The following UNC80 variants were observed in gnomAD, a reference collection of about 807,000 sequenced individuals.
UNC80 encodes unc-80 subunit of NALCN channel complex.
A neutral mutation model predicts 384.6 loss-of-function variants in UNC80; 164 were observed. The ratio of observed to expected loss-of-function variants is 0.43; its 90% CI spans 0.38 to 0.49. The LOEUF (loss-of-function observed/expected upper bound fraction) is 0.49, where lower values mean the gene tolerates loss of function less well. UNC80 is among the 20% of genes least tolerant of loss of function. The pLI is 0.00. For missense variants in UNC80, 3,330 were observed against 4,143.0 expected (o/e 0.80, Z 5.39); for synonymous variants, 1,486 against 1,527.8 (o/e 0.97, Z 0.64).
chr2:209,879,671 A>G (rs1255284489), intron 24 of UNC80, among the ~76,000 whole-genome samples: 1 of 152,172 alleles, frequency 6.6e-6, no homozygotes, highest in Non-Finnish European at 1.5e-5. Context: ...TAGCCCCTAT[A>G]AGACACATAT....
Position 209,918,618 on chromosome 2 carries a change from T to C in UNC80, c.5298T>C (p.Pro1766=), listed in dbSNP as rs2089758766. The change falls in exon 33 of 65, where the codon CCT becomes CCC. Residue 1766 remains proline (P), a synonymous_variant. Coordinates refer to ENST00000673920, the MANE Select transcript of UNC80 (RefSeq NM_001371986.1). ...SVPMFDPPWV[P]QCSGSVQDPI... is the part of the protein sequence containing the mutation. Reference sequence around the variant, plus strand: ...CAATGTTTGACCCACCGTGGGTTCCTCAGTGCAGCGGGAGTGTCCAGGACC... The same window carrying C: ...CAATGTTTGACCCACCGTGGGTTCCCCAGTGCAGCGGGAGTGTCCAGGACC... 6.4e-7 allele frequency: 1 copy of C among 1,551,968 alleles called. No individual in the cohort carries two copies. Among genetic ancestry groups the C allele is most frequent in the Non-Finnish European group, 8.7e-7 (1 of 1,147,020 alleles).
chr2:209,781,375 G>T (rs1485970999), intron 4 of UNC80, among the ~76,000 whole-genome samples: 1 of 152,172 alleles, frequency 6.6e-6, no homozygotes, highest in Non-Finnish European at 1.5e-5. Flanking sequence ...AATCCTATCT[G>T]ATTTTCTACA....
chr2:209,867,602 G>A (rs2083946228), intron 22 of UNC80, among the ~76,000 whole-genome samples: 1 of 151,998 alleles, frequency 6.6e-6, no homozygotes. Flanking sequence ...CACTGAGGGT[G>A]GCTCCTTCCT....
intron 22 of UNC80, among the ~76,000 whole-genome samples, chr2:209,868,641 A>T (rs1387131835): frequency 6.6e-6 from 1 of 152,228 alleles, no homozygotes; most frequent in Non-Finnish European, 1.5e-5. Context: ...CAAGGAAAGT[A>T]GCCAGACTCC....
At chr2:209,972,417 T>C in intron 55 of UNC80, 93 bp downstream of exon 55, 9 of 1,482,510 alleles carry the variant, frequency 6.1e-6, no homozygotes, top group Non-Finnish European at 6.3e-6. Flanking sequence ...CCATGAAGGC[T>C]ATCACTGAAG....
Position 209,967,511 on chromosome 2 carries a change from G to C in UNC80, c.7880G>C (p.Arg2627Pro). 6.4e-7 allele frequency: 1 copy of C among 1,551,446 alleles called. No individual in the cohort carries two copies. Among genetic ancestry groups the C allele is most frequent in the Non-Finnish European group, 8.7e-7 (1 of 1,146,952 alleles). ...DTQTMESRGL[R>P]RYIMEMLPIT... The stretch of plus-strand genomic sequence containing the variant: ...CAGACAATGGAGAGTCGTGGGCTTC[G>C]GCGCTACATCATGGAGATGCTACCC... Residue 2627 changes from arginine (R) to proline (P), a missense_variant, in exon 52 of 65, where the codon CGG becomes CCG. Around this residue, in one of 8 missense-constraint regions of UNC80, gnomAD observed 1,049 missense variants for 1,488.6 expected, o/e 0.70. Coordinates refer to ENST00000673920, the MANE Select transcript of UNC80 (RefSeq NM_001371986.1).
intron 58 of UNC80, 103 bp downstream of exon 58, chr2:209,977,181 A>T: frequency 1.7e-6 from 2 of 1,191,444 alleles, no homozygotes; most frequent in Non-Finnish European, 2.2e-6. Flanking sequence ...AACTATGAAT[A>T]TGTTAGCCAT....
At chr2:209,813,464 G>T (rs961425759) in intron 7 of UNC80, 116 bp from the exon 8 acceptor site, 31 of 1,149,270 alleles carry the variant, frequency 2.7e-5, no homozygotes, top group Non-Finnish European at 3.5e-5. Flanking sequence ...AACTACGTAA[G>T]AAACAAGTAA....
At chr2:209,776,197 C>T in intron 3 of UNC80, 152 bp downstream of exon 3, 1 of 1,006,560 alleles carries the variant, frequency 9.9e-7, no homozygotes, top group Non-Finnish European at 1.4e-6. Context: ...CACACTTATA[C>T]TCATTATTTT....
intron 56 of UNC80, among the ~76,000 whole-genome samples, chr2:209,974,573 A>G (rs1485557378): frequency 6.6e-6 from 1 of 152,180 alleles, no homozygotes; most frequent in Non-Finnish European, 1.5e-5. Flanking sequence ...TTGTTTTTAC[A>G]TTTATTTTGA....
At chr2:209,817,367 CATTCTAGA>C (rs2079815052) in intron 10 of UNC80, among the ~76,000 whole-genome samples, 1 of 151,976 alleles carries the variant, frequency 6.6e-6, no homozygotes, top group African/African-American at 2.4e-5. Flanking sequence ...TTTCTTAGAT[CATTCTAGA>C]CAAAGAAACA....
intron 24 of UNC80, among the ~76,000 whole-genome samples, chr2:209,880,253 G>T (rs2085166468): frequency 6.6e-6 from 1 of 152,112 alleles, no homozygotes; most frequent in Non-Finnish European, 1.5e-5. Flanking sequence ...AAATCTATTA[G>T]CTGGCTTCTA....
At chr2:209,951,077 G>A (rs1161910177) in intron 47 of UNC80, among the ~76,000 whole-genome samples, 3 of 152,038 alleles carry the variant, frequency 2.0e-5, no homozygotes, top group African/African-American at 4.8e-5. Flanking sequence ...AGAGGCTAAG[G>A]TGGGAGGATT....
chr2:209,864,680 G>C (rs2083584297), intron 22 of UNC80, among the ~76,000 whole-genome samples: 1 of 152,232 alleles, frequency 6.6e-6, no homozygotes, highest in Admixed American at 6.5e-5. Flanking sequence ...TGGGGGACTT[G>C]TCTTGGGACC....
chr2:209,971,625 T>A (rs972419490), intron 54 of UNC80, among the ~76,000 whole-genome samples: 4 of 152,208 alleles, frequency 2.6e-5, no homozygotes, highest in African/African-American at 9.7e-5. Context: ...ACAACCAAGC[T>A]TGATGGCTCA....
chr2:209,994,315 T>TA, intron 64 of UNC80, 51 bp downstream of exon 64: 1 of 1,462,514 alleles, frequency 6.8e-7, no homozygotes, highest in Non-Finnish European at 9.1e-7. Flanking sequence ...TACTTACTTC[T>TA]AGCAGCCACT....
chr2:209,970,812 G>A lies in UNC80; in HGVS notation c.8131-20G>A, dbSNP rs1334448129. 3.2e-6 allele frequency: 5 copies of A among 1,550,444 alleles called. No homozygotes were observed. The highest frequency in any genetic ancestry group is 3.5e-6 in the Non-Finnish European group (4 of 1,146,444). ...AATTGCAATAGTCAAGGCTGGTCAT[G>A]TGCTCTGTTTGTATTTCAGGTGATG... is the stretch of plus-strand genomic sequence containing the variant. On this transcript the variant is annotated intron_variant, in intron 53 of 64. Coordinates refer to ENST00000673920, the MANE Select transcript of UNC80 (RefSeq NM_001371986.1).
chr2:209,787,928 A>G (rs1193712823), intron 5 of UNC80, among the ~76,000 whole-genome samples: 1 of 152,200 alleles, frequency 6.6e-6, no homozygotes, highest in African/African-American at 2.4e-5. Flanking sequence ...TGTTATCATA[A>G]AAGATGACAA....
rs1055345873 is a variant in UNC80 at position 209,996,057 on chromosome 2, TA to T, written c.*469del. ...TTGGCTATACAAGTAGCAATTTACA[TA>T]AAAAAATAATTAATAGGAAAAATAT... is the stretch of plus-strand genomic sequence containing the variant. On this transcript the variant is annotated 3_prime_UTR_variant, in exon 65 of 65. Coordinates refer to ENST00000673920, the MANE Select transcript of UNC80 (RefSeq NM_001371986.1). 6.5e-5 allele frequency: 10 copies of T among 153,896 alleles called. No homozygotes were observed. The highest frequency in any genetic ancestry group is 2.2e-4 in the African/African-American group (9 of 41,520). 9.5% of individuals were successfully genotyped at this position (153,896 alleles called of 1,614,324 possible). A position where few individuals can be genotyped will look rare whatever the true frequency, so the allele number is the denominator to read the frequency against.
Sources: gnomAD v4.1 joint callset for allele counts (sites outside exome capture counted in the v4.1 genomes callset) on GRCh38, gnomAD v4.1.1 for gene constraint, gnomAD v4.1.1 regional missense constraint, MANE v1.5 for transcripts, NCBI Gene and HGNC (gene_info 2026-07-23, HGNC 2026-07-21) for gene names.